NCKAP5: variants seen among roughly 807,000 people sequenced by gnomAD.
The protein encoded by NCKAP5 is NCK associated protein 5.
Under a neutral mutation model 167.0 loss-of-function variants are expected in NCKAP5, and 92 were observed. The observed-to-expected ratio is 0.55, with a 90% CI of 0.47 to 0.66. The LOEUF (loss-of-function observed/expected upper bound fraction) is 0.66, where lower values mean the gene tolerates loss of function less well. NCKAP5 is among the 30% of genes least tolerant of loss of function. The pLI, the probability that NCKAP5 is intolerant of heterozygous loss-of-function variation, is 0.00. For missense variants in NCKAP5, 2,378 were observed against 2,315.0 expected (o/e 1.03, Z -0.56); for synonymous variants, 891 against 877.4 (o/e 1.02, Z -0.27).
intron 19 of NCKAP5, among the ~76,000 whole-genome samples, chr2:132,701,657 A>G (rs941756373): frequency 2.6e-5 from 4 of 152,314 alleles, no homozygotes; most frequent in African/African-American, 7.2e-5. Context: ...GATATGCCAG[A>G]CACATATAAA....
intron 2 of NCKAP5, among the ~76,000 whole-genome samples, chr2:133,520,098 G>A (rs2104766205): frequency 6.6e-6 from 1 of 152,338 alleles, no homozygotes; most frequent in South Asian, 2.1e-4. Context: ...GGCTGAGGCA[G>A]GAGAATTGCT....
intron 19 of NCKAP5, among the ~76,000 whole-genome samples, chr2:132,723,187 C>A (rs1357886167): frequency 2.2e-5 from 3 of 134,102 alleles, no homozygotes; most frequent in African/African-American, 8.7e-5. Context: ...GCTCTGTCGT[C>A]CAGGCTGGAG....
At chr2:133,548,745 G>GA (rs1184043071) in intron 2 of NCKAP5, among the ~76,000 whole-genome samples, 2 of 152,018 alleles carry the variant, frequency 1.3e-5, no homozygotes, top group Non-Finnish European at 2.9e-5. Flanking sequence ...ACATGGAAAG[G>GA]AAAAACCGGT....
intron 6 of NCKAP5, among the ~76,000 whole-genome samples, chr2:133,003,043 T>C (rs2077841662): frequency 6.6e-6 from 1 of 152,188 alleles, no homozygotes; most frequent in African/African-American, 2.4e-5. Context: ...TTTGTTACGT[T>C]GAATGTCTGT....
At chr2:132,913,941 T>C (rs1055658122) in intron 8 of NCKAP5, among the ~76,000 whole-genome samples, 1 of 152,200 alleles carries the variant, frequency 6.6e-6, no homozygotes, top group East Asian at 1.9e-4. Flanking sequence ...TGAAAATGAA[T>C]CTGCTTTTTC....
intron 10 of NCKAP5, among the ~76,000 whole-genome samples, chr2:132,867,692 C>A (rs1690465565): frequency 6.6e-6 from 1 of 152,076 alleles, no homozygotes; most frequent in South Asian, 2.1e-4. Flanking sequence ...GAAAATGGGG[C>A]CACATTCCAT....
chr2:132,684,949 G>A (rs111492126), intron 19 of NCKAP5, among the ~76,000 whole-genome samples: 9 of 152,138 alleles, frequency 5.9e-5, no homozygotes, highest in South Asian at 2.1e-4. Context: ...CAGTGACTGC[G>A]GAAGACTGTG....
At chr2:133,590,523 C>CAAA in the NCKAP5 span, among the ~76,000 whole-genome samples, 3 of 89,660 alleles carry the variant, frequency 3.3e-5, no homozygotes, top group African/African-American at 4.6e-5. Context: ...GACTCTGTCT[C>CAAA]AAAAAAAAAA....
At chr2:132,855,968 T>A (rs959682289) in intron 11 of NCKAP5, among the ~76,000 whole-genome samples, 2 of 152,074 alleles carry the variant, frequency 1.3e-5, no homozygotes, top group African/African-American at 4.8e-5. Flanking sequence ...ATCAAGACCA[T>A]CCTGGCTAAC....
intron 6 of NCKAP5, among the ~76,000 whole-genome samples, chr2:133,083,554 T>C (rs1054514031): frequency 6.6e-6 from 1 of 152,176 alleles, no homozygotes. Context: ...CCAAATTGTT[T>C]GTAAACCTAA....
chr2:132,862,568 T>C (rs1442940040), intron 10 of NCKAP5, among the ~76,000 whole-genome samples: 1 of 152,082 alleles, frequency 6.6e-6, no homozygotes, highest in Non-Finnish European at 1.5e-5. Context: ...AGGTGCAACT[T>C]CAGCCTGGCC....
At chr2:133,303,208 T>G in intron 3 of NCKAP5, 98 bp from the exon 4 acceptor site, 1 of 758,008 alleles carries the variant, frequency 1.3e-6, no homozygotes. Flanking sequence ...TTTGACAACA[T>G]TATCCCTACT....
chr2:132,759,214 G>A (rs1558731119), intron 16 of NCKAP5, among the ~76,000 whole-genome samples: 1 of 152,038 alleles, frequency 6.6e-6, no homozygotes, highest in Non-Finnish European at 1.5e-5. Flanking sequence ...GTATTCCATA[G>A]TATAGGTATT....
chr2:132,735,181 T>A (rs1035031174), intron 16 of NCKAP5, among the ~76,000 whole-genome samples: 4 of 152,172 alleles, frequency 2.6e-5, no homozygotes, highest in Admixed American at 2.0e-4. Context: ...GCCAGGATTT[T>A]TTTTAGAGTT....
At chr2:133,361,942 G>C (rs1338648602) in intron 3 of NCKAP5, among the ~76,000 whole-genome samples, 3 of 151,984 alleles carry the variant, frequency 2.0e-5, no homozygotes, top group Non-Finnish European at 4.4e-5. Flanking sequence ...AGAACTATAA[G>C]CATAAAGAGT....
intron 5 of NCKAP5, among the ~76,000 whole-genome samples, chr2:133,131,168 G>A (rs2082589053): frequency 6.6e-6 from 1 of 152,174 alleles, no homozygotes. Flanking sequence ...GGCATTCTGA[G>A]GATCATGAAA....
Position 132,785,144 on chromosome 2 carries a change from G to A in NCKAP5, c.1667C>T (p.Thr556Met), listed in dbSNP as rs201814216. ...GCCCCTCTCCCTCTGTACCTGAGGC[G>A]TCTGCACACTTGGGCACAGCTTCAT... ...LEMKLCPSVQTPQVQRERGPQ... is the reference protein window; with the variant it reads ...LEMKLCPSVQMPQVQRERGPQ... Residue 556 changes from threonine to methionine, a missense_variant, in exon 14 of 20, where the codon ACG (threonine) becomes ATG (methionine). Physicochemically the swap from Thr to Met is moderately conservative, Grantham distance 81. Around this residue, in one of 3 missense-constraint regions of NCKAP5, gnomAD observed 1,049 missense variants for 1,023.4 expected, o/e 1.02. Transcript: ENST00000409261. The A allele has an allele frequency of 1.3e-4, 216 of 1,610,228 alleles. 2 individuals carry two copies. In the South Asian group the frequency reaches 1.7e-3, roughly 12 times the overall value.
intron 8 of NCKAP5, among the ~76,000 whole-genome samples, chr2:132,957,063 T>C (rs889751324): frequency 6.6e-6 from 1 of 152,184 alleles, no homozygotes; most frequent in Non-Finnish European, 1.5e-5. Flanking sequence ...TGCTGATGAC[T>C]CTCAAATCCA....
At chr2:133,632,201 T>C in the NCKAP5 span, among the ~76,000 whole-genome samples, 9 of 152,342 alleles carry the variant, frequency 5.9e-5, no homozygotes, top group African/African-American at 2.2e-4. Flanking sequence ...TGGCAGCAGA[T>C]GCAGCCACAT....
Sources: allele counts gnomAD v4.1 joint callset (sites outside exome capture counted in the v4.1 genomes callset), GRCh38; gene constraint gnomAD v4.1.1; regional missense constraint gnomAD v4.1.1; transcripts MANE v1.5; gene names NCBI Gene and HGNC (gene_info 2026-07-23, HGNC 2026-07-21).